Variants in KCNIP4 observed in about 807,000 individuals in gnomAD.
KCNIP4 encodes the protein Kv channel-interacting protein 4.
A neutral mutation model predicts 34.0 loss-of-function variants in KCNIP4; 12 were observed. The ratio of observed to expected loss-of-function variants is 0.35; its 90% CI spans 0.23 to 0.57. The LOEUF (loss-of-function observed/expected upper bound fraction) is 0.57. Among genes scored for constraint, KCNIP4 ranks in the 20% least tolerant of loss-of-function variants. The pLI, the probability that KCNIP4 is intolerant of heterozygous loss-of-function variation, is 0.83. For synonymous variants in KCNIP4, 124 were observed against 102.2 expected, an observed-to-expected ratio of 1.21 and a Z score of -1.29; for missense variants, 238 against 311.7, an observed-to-expected ratio of 0.76 and a Z score of 1.78.
chr4:20,752,875 T>C (rs1753889618), intron 4 of KCNIP4: 1 of 152,244 alleles, frequency 6.6e-6, no homozygotes, highest in Non-Finnish European at 1.5e-5. Context: ...TCTTAAGCAC[T>C]CAATAAATAT....
At position 21,226,353 on chromosome 4, in the gene KCNIP4, GA is replaced by G. The variant is rs149414286; in HGVS notation, c.62-343645del. ...GAAGGAAGGGAAGGAAGAGAAGGAA[GA>G]GAAGGAAGGAAGGAAGGAAGGAAGG... On this transcript the variant is annotated intron_variant, in intron 1 of 8. Coordinates refer to ENST00000382152, the MANE Select transcript of KCNIP4 (RefSeq NM_025221.6). 6.7e-3 allele frequency among the ~76,000 whole-genome samples: 395 copies of G among 58,942 alleles called. 2 individuals are homozygous for G. Among genetic ancestry groups the G allele is most frequent in the African/African-American group, 0.05 (374 of 7,484 alleles). The allele number at this position is 58,942 out of a possible 152,430, so 38.7% of individuals were successfully genotyped here.
chr4:21,010,692 A>C lies in KCNIP4; in HGVS notation c.62-127983T>G, dbSNP rs1271826716. ...TGTAAAACTTGTCTTGAGACCAATT[A>C]CAATATAGACCTTTTCAAACTTATT... On this transcript the variant is annotated intron_variant, in intron 1 of 8. Coordinates refer to ENST00000382152, the MANE Select transcript of KCNIP4 (RefSeq NM_025221.6). 3.3e-5 allele frequency among the ~76,000 whole-genome samples: 5 copies of C among 152,250 alleles called. No individual in the cohort carries two copies. The East Asian group carries it at 9.6e-4, about 29-fold the overall frequency.
At chr4:21,779,111 C>T (rs1440939288) in intron 1 of KCNIP4, among the ~76,000 whole-genome samples, 2 of 151,596 alleles carry the variant, frequency 1.3e-5, no homozygotes, top group Admixed American at 1.3e-4. Flanking sequence ...ATAAGGGATT[C>T]CACTGTGATG....
intron 1 of KCNIP4, among the ~76,000 whole-genome samples, chr4:21,427,151 T>C (rs563942606): frequency 6.6e-6 from 1 of 152,168 alleles, no homozygotes; most frequent in South Asian, 2.1e-4. Flanking sequence ...CTCAGTACAG[T>C]GATGTTATGC....
intron 1 of KCNIP4, among the ~76,000 whole-genome samples, chr4:21,208,687 T>G (rs1251200528): frequency 6.6e-6 from 1 of 152,192 alleles, no homozygotes; most frequent in Non-Finnish European, 1.5e-5. Flanking sequence ...AATTGCTCTT[T>G]TTCATCAGTC....
At chr4:20,828,221 G>A (rs1718005714) in intron 3 of KCNIP4, among the ~76,000 whole-genome samples, 1 of 152,166 alleles carries the variant, frequency 6.6e-6, no homozygotes, top group African/African-American at 2.4e-5. Context: ...AAGGTCAGGA[G>A]ATCGAGACTA....
intron 3 of KCNIP4, among the ~76,000 whole-genome samples, chr4:20,837,438 A>G (rs1437700055): frequency 6.6e-6 from 1 of 151,990 alleles, no homozygotes; most frequent in East Asian, 1.9e-4. Context: ...ACACATTTAA[A>G]TGGGGATTGT....
intron 1 of KCNIP4, among the ~76,000 whole-genome samples, chr4:21,515,512 G>T (rs184848006): frequency 6.6e-6 from 1 of 152,046 alleles, no homozygotes; most frequent in African/African-American, 2.4e-5. Context: ...CGTTGCAGGC[G>T]CCTGTAGTCC....
chr4:21,091,170 A>G (rs116689896), intron 1 of KCNIP4, among the ~76,000 whole-genome samples: 180 of 152,294 alleles, frequency 1.2e-3, no homozygotes, highest in African/African-American at 4.1e-3. Flanking sequence ...CCATCCCTGA[A>G]TTCATGTGTC....
chr4:21,017,732 G>C (rs564686981), intron 1 of KCNIP4, among the ~76,000 whole-genome samples: 1 of 152,110 alleles, frequency 6.6e-6, no homozygotes, highest in African/African-American at 2.4e-5. Flanking sequence ...GGGCCAAATC[G>C]TATTTCCAGT....
chr4:21,107,589 G>T lies in KCNIP4; in HGVS notation c.62-224880C>A, dbSNP rs1032778121. On this transcript the variant is annotated intron_variant, in intron 1 of 8. Coordinates refer to ENST00000382152, the MANE Select transcript of KCNIP4 (RefSeq NM_025221.6). Reference sequence around the variant, plus strand: ...CTATGTCTTTTAATTGGAGCATTTAGTCCATTTACATTTAAAGTTAATATT... The same window carrying T: ...CTATGTCTTTTAATTGGAGCATTTATTCCATTTACATTTAAAGTTAATATT... 1.1e-4 allele frequency among the ~76,000 whole-genome samples: 16 copies of T among 148,412 alleles called. 1 individual carries two copies. Among genetic ancestry groups the T allele is most frequent in the African/African-American group, 3.9e-4 (15 of 38,860 alleles).
At chr4:21,815,424 C>A (rs749119234) in intron 1 of KCNIP4, among the ~76,000 whole-genome samples, 1 of 151,934 alleles carries the variant, frequency 6.6e-6, no homozygotes, top group Non-Finnish European at 1.5e-5. Flanking sequence ...ATTACCAAAC[C>A]ACCACCACCA....
intron 1 of KCNIP4, among the ~76,000 whole-genome samples, chr4:21,300,582 CTCTTAAGTT>C (rs1184713664): frequency 1.2e-5 from 1 of 85,318 alleles, no homozygotes; most frequent in Non-Finnish European, 2.2e-5. Context: ...GTTATTGAAA[CTCTTAAGTT>C]TCGAGAAACG....
At chr4:21,528,858 A>G (rs543605664) in intron 1 of KCNIP4, among the ~76,000 whole-genome samples, 4 of 149,662 alleles carry the variant, frequency 2.7e-5, no homozygotes, top group Admixed American at 1.3e-4. Context: ...GAAGGAAGGA[A>G]GGAAGGAAGG....
chr4:21,779,779 T>G (rs58501933), intron 1 of KCNIP4, among the ~76,000 whole-genome samples: 14,563 of 151,892 alleles, frequency 0.096, 2,399 homozygotes, highest in African/African-American at 0.33. Context: ...ATTAAAAAAT[T>G]AGCCAGGCAT....
chr4:21,180,731 GTATTTGTGTATATA>G (rs1002854643), intron 1 of KCNIP4, among the ~76,000 whole-genome samples: 4 of 150,158 alleles, frequency 2.7e-5, no homozygotes, highest in African/African-American at 7.3e-5. Context: ...ATAGTATAGT[GTATTTGTGTATATA>G]TATTTGTGTA....
chr4:20,968,943 A>T (rs1259468306), intron 1 of KCNIP4, among the ~76,000 whole-genome samples: 1 of 152,160 alleles, frequency 6.6e-6, no homozygotes, highest in Non-Finnish European at 1.5e-5. Context: ...TAAAAATAAA[A>T]GTAAATAGAG....
intron 1 of KCNIP4, among the ~76,000 whole-genome samples, chr4:20,953,550 T>C (rs1732999444): frequency 6.6e-6 from 1 of 152,060 alleles, no homozygotes; most frequent in South Asian, 2.1e-4. Context: ...GGCATGATGG[T>C]GGACATCTGT....
intron 3 of KCNIP4, among the ~76,000 whole-genome samples, chr4:20,792,322 G>A (rs924078350): frequency 6.6e-6 from 1 of 152,010 alleles, no homozygotes; most frequent in Non-Finnish European, 1.5e-5. Flanking sequence ...GCAGTGAACC[G>A]AGATTGCACT....
Sources: gnomAD v4.1 joint callset for allele counts (sites outside exome capture counted in the v4.1 genomes callset) on GRCh38, gnomAD v4.1.1 for gene constraint, MANE v1.5 for transcripts, NCBI Gene and HGNC (gene_info 2026-07-23, HGNC 2026-07-21) for gene names.